Variants in BCL9 observed in about 807,000 individuals in gnomAD.
The protein encoded by BCL9 is B-cell CLL/lymphoma 9 protein.
Under a neutral mutation model 88.5 loss-of-function variants are expected in BCL9, and 25 were observed. The observed-to-expected ratio is 0.28, with a 90% CI of 0.21 to 0.39. The LOEUF is 0.39. BCL9 is among the 10% of genes least tolerant of loss of function. The pLI is 1.00. For synonymous variants in BCL9, 711 were observed against 673.3 expected (o/e 1.06, Z -0.87); for missense variants, 1,817 against 1,877.8 (o/e 0.97, Z 0.60).
intron 1 of BCL9, among the ~76,000 whole-genome samples, chr1:147,573,453 CA>C (rs199986007): frequency 6.7e-6 from 1 of 150,290 alleles, no homozygotes; most frequent in Admixed American, 6.6e-5. Flanking sequence ...AACTCTGTCT[CA>C]AAAAAAAAGA....
chr1:147,579,699 G>A (rs1656276352), intron 1 of BCL9, among the ~76,000 whole-genome samples: 1 of 152,186 alleles, frequency 6.6e-6, no homozygotes, highest in African/African-American at 2.4e-5. Flanking sequence ...TGCACGTAAT[G>A]AGAGCTGTGT....
At chr1:147,567,038 T>C (rs1417242949) in intron 1 of BCL9, among the ~76,000 whole-genome samples, 1 of 152,188 alleles carries the variant, frequency 6.6e-6, no homozygotes, top group Non-Finnish European at 1.5e-5. Flanking sequence ...GACAAGAACC[T>C]CTTCCAACGT....
chr1:147,618,294 C>T (rs938447301), intron 7 of BCL9, among the ~76,000 whole-genome samples: 137 of 152,246 alleles, frequency 9.0e-4, no homozygotes, highest in African/African-American at 3.0e-3. Flanking sequence ...TGAAATGGAG[C>T]AGCTGCTTCC....
intron 1 of BCL9, among the ~76,000 whole-genome samples, chr1:147,550,467 A>T (rs782254293): frequency 1.3e-5 from 2 of 152,204 alleles, no homozygotes; most frequent in Non-Finnish European, 2.9e-5. Context: ...ATAACAAAAA[A>T]AATTGGGAGA....
intron 9 of BCL9, among the ~76,000 whole-genome samples, chr1:147,623,246 C>T (rs1236946923): frequency 6.9e-5 from 6 of 86,938 alleles, no homozygotes; most frequent in Non-Finnish European, 1.1e-4. Flanking sequence ...CCCCCTGCCA[C>T]ACTCGGTGGT....
At chr1:147,580,329 T>C (rs1248508391) in intron 1 of BCL9, among the ~76,000 whole-genome samples, 1 of 152,206 alleles carries the variant, frequency 6.6e-6, no homozygotes, top group Non-Finnish European at 1.5e-5. Flanking sequence ...CATCTGAATG[T>C]ACGTAAAGAA....
At chr1:147,572,726 C>T (rs781941114) in intron 1 of BCL9, among the ~76,000 whole-genome samples, 1 of 152,280 alleles carries the variant, frequency 6.6e-6, no homozygotes, top group East Asian at 1.9e-4. Flanking sequence ...ACTACAGGTG[C>T]GTATCACCAA....
chr1:147,605,796 A>G (rs1281272017), intron 2 of BCL9, among the ~76,000 whole-genome samples: 3 of 152,188 alleles, frequency 2.0e-5, no homozygotes, highest in Non-Finnish European at 4.4e-5. Flanking sequence ...TTTTAGTTCC[A>G]CATTCTAAGT....
At chr1:147,584,325 G>GT (rs1279852635) in intron 1 of BCL9, among the ~76,000 whole-genome samples, 7 of 152,132 alleles carry the variant, frequency 4.6e-5, no homozygotes, top group Non-Finnish European at 1.0e-4. Context: ...GGGATTACAG[G>GT]TGTGAGCCAC....
chr1:147,557,012 G>T (rs1655146276), intron 1 of BCL9, among the ~76,000 whole-genome samples: 1 of 152,172 alleles, frequency 6.6e-6, no homozygotes, highest in Non-Finnish European at 1.5e-5. Flanking sequence ...ACATCCTCAG[G>T]CAGGGTACCA....
chr1:147,619,206 C>T lies in BCL9; in HGVS notation c.1051C>T (p.Leu351=), dbSNP rs782812464. ...CACACTGGGAGAGAATCCCGATGGC[C>T]TATCTCAGGAGCAGCTGGAGCACCG... The part of the protein sequence containing the change: ...PPTLGENPDG[L]SQEQLEHRER... The change falls in exon 8 of 10, where the codon CTA becomes TTA. Residue 351 remains leucine (L), a synonymous_variant. Coordinates refer to ENST00000234739, the MANE Select transcript of BCL9 (RefSeq NM_004326.4). This position sits in a 1 kb window ranked among gnomAD's most constrained non-coding sequence, Gnocchi z 4.1. 3.7e-6 allele frequency: 6 copies of T among 1,613,936 alleles called. No individual in the cohort carries two copies. The Admixed American group carries it at 8.3e-5, about 22-fold the overall frequency.
chr1:147,565,316 A>G (rs1655552326), intron 1 of BCL9, among the ~76,000 whole-genome samples: 1 of 152,202 alleles, frequency 6.6e-6, no homozygotes, highest in Admixed American at 6.5e-5. Flanking sequence ...ATGGATTCCC[A>G]CTACTGATTC....
chr1:147,618,347 C>G (rs1396346352), intron 7 of BCL9, among the ~76,000 whole-genome samples: 2 of 152,198 alleles, frequency 1.3e-5, no homozygotes, highest in African/African-American at 2.4e-5. Flanking sequence ...TACGCTTTCT[C>G]TCTCAAGATG....
intron 4 of BCL9, among the ~76,000 whole-genome samples, chr1:147,612,296 C>T (rs1553202716): frequency 2.0e-5 from 3 of 152,166 alleles, no homozygotes; most frequent in African/African-American, 4.8e-5. Context: ...CTCGGTTTCA[C>T]AGTAGTTAAA....
intron 3 of BCL9, among the ~76,000 whole-genome samples, chr1:147,608,933 A>G (rs1553202299): frequency 6.6e-6 from 1 of 152,204 alleles, no homozygotes; most frequent in Non-Finnish European, 1.5e-5. Flanking sequence ...AGCTTGGTCA[A>G]GTTACTTAAC....
intron 7 of BCL9, among the ~76,000 whole-genome samples, chr1:147,617,415 A>C (rs1433609467): frequency 6.6e-6 from 1 of 152,312 alleles, no homozygotes; most frequent in African/African-American, 2.4e-5. Context: ...AACAAAACCA[A>C]ACTTAAAATG....
In BCL9 at chr1:147,624,993, G is replaced by A. The variant is rs867270; in HGVS notation, c.*34G>A. On this transcript the variant is annotated 3_prime_UTR_variant, in exon 10 of 10. Transcript: ENST00000234739. This position sits in a 1 kb window ranked among gnomAD's most constrained non-coding sequence, Gnocchi z 4.4. Reference sequence around the variant, plus strand: ...GATGGGATGTGCCGATCCTTGTCAAGATGAGATTCCAGGTCCTGAGAGCTG... The same window carrying A: ...GATGGGATGTGCCGATCCTTGTCAAAATGAGATTCCAGGTCCTGAGAGCTG... 172,270 of 1,578,938 alleles carry A rather than the reference G, an allele frequency of 0.11. 11,111 individuals carry two copies. The highest frequency in any genetic ancestry group is 0.33 in the East Asian group (14,649 of 44,154).
At chr1:147,599,171 G>A (rs587742076) in intron 1 of BCL9, among the ~76,000 whole-genome samples, 1 of 152,348 alleles carries the variant, frequency 6.6e-6, no homozygotes, top group South Asian at 2.1e-4. Context: ...GGAGACCCCT[G>A]CACCCCCGGC....
intron 3 of BCL9, 67 bp from the exon 4 acceptor site, chr1:147,611,511 C>G: frequency 2.6e-6 from 1 of 380,956 alleles, no homozygotes; most frequent in Admixed American, 3.7e-5. Context: ...CACCTTGATC[C>G]TGTTGTGAGG....
Sources: gnomAD v4.1 joint callset for allele counts (sites outside exome capture counted in the v4.1 genomes callset) on GRCh38, gnomAD v4.1.1 for gene constraint, Gnocchi (gnomAD v3.1) non-coding constraint, MANE v1.5 for transcripts, NCBI Gene and HGNC (gene_info 2026-07-23, HGNC 2026-07-21) for gene names.